Variants in BCKDHB observed in about 807,000 individuals in gnomAD.
BCKDHB encodes 2-oxoisovalerate dehydrogenase subunit beta, mitochondrial.
A neutral mutation model predicts 48.5 loss-of-function variants in BCKDHB; 41 were observed. That is an observed-to-expected ratio of 0.85 (90% CI 0.66 to 1.10). The LOEUF is 1.10. BCKDHB is among the 50% of genes least tolerant of loss of function. BCKDHB has a pLI of 0.00. For synonymous variants in BCKDHB, 201 were observed against 174.8 expected, an observed-to-expected ratio of 1.15 and a Z score of -1.18; for missense variants, 496 against 494.2, an observed-to-expected ratio of 1.00 and a Z score of -0.03.
intron 6 of BCKDHB, among the ~76,000 whole-genome samples, chr6:80,195,841 C>T (rs1045863267): frequency 3.9e-5 from 6 of 152,296 alleles, no homozygotes; most frequent in Non-Finnish European, 5.9e-5. Flanking sequence ...ACCAGACAGG[C>T]TTTCTCAGGT....
chr6:80,450,846 A>G, the BCKDHB span, among the ~76,000 whole-genome samples: 1 of 152,186 alleles, frequency 6.6e-6, no homozygotes, highest in Non-Finnish European at 1.5e-5. Context: ...TCAGAATACA[A>G]TGACTTCCAT....
intron 1 of BCKDHB, among the ~76,000 whole-genome samples, chr6:80,124,680 A>C (rs918905662): frequency 2.0e-5 from 3 of 152,138 alleles, no homozygotes; most frequent in African/African-American, 7.2e-5. Context: ...AAACAACGTT[A>C]ATCTTATACA....
At chr6:80,435,902 G>T in the BCKDHB span, among the ~76,000 whole-genome samples, 2 of 152,080 alleles carry the variant, frequency 1.3e-5, no homozygotes. Flanking sequence ...CTGTAGTGGC[G>T]CATGCCTGTA....
intron 9 of BCKDHB, among the ~76,000 whole-genome samples, chr6:80,325,058 A>G (rs1175867926): frequency 6.6e-6 from 1 of 152,172 alleles, no homozygotes; most frequent in African/African-American, 2.4e-5. Flanking sequence ...TTGTATGGGG[A>G]CGGTTTTGAA....
At chr6:80,207,465 A>G (rs1417161495) in intron 8 of BCKDHB, among the ~76,000 whole-genome samples, 2 of 151,912 alleles carry the variant, frequency 1.3e-5, no homozygotes, top group Non-Finnish European at 2.9e-5. Context: ...TCCAAAATAA[A>G]TAAGTATGAA....
At chr6:80,183,914 T>A (rs1773525373) in intron 6 of BCKDHB, among the ~76,000 whole-genome samples, 1 of 152,208 alleles carries the variant, frequency 6.6e-6, no homozygotes, top group South Asian at 2.1e-4. Context: ...TTTCATGGCT[T>A]GATAACTCAT....
At chr6:80,135,383 T>C (rs1252920635) in intron 3 of BCKDHB, among the ~76,000 whole-genome samples, 1 of 152,114 alleles carries the variant, frequency 6.6e-6, no homozygotes, top group Non-Finnish European at 1.5e-5. Flanking sequence ...GAAGTATACA[T>C]ATTTATGACA....
rs1770075529 is a variant in BCKDHB, at chr6:80,344,255, T to A, written c.*451T>A. 1 of 241,084 alleles carries A rather than the reference T, an allele frequency of 4.1e-6. No homozygotes were observed. Among genetic ancestry groups the A allele is most frequent in the African/African-American group, 2.3e-5 (1 of 43,430 alleles). 14.9% of individuals were successfully genotyped at this position (241,084 alleles called of 1,614,324 possible). ...CCTGACCTCAAGTGATCCACCTGCC[T>A]TAGCCTCCCAAAGTGCTGGGATTAC... On this transcript the variant is annotated 3_prime_UTR_variant, in exon 10 of 10. Coordinates refer to ENST00000320393, the MANE Select transcript of BCKDHB (RefSeq NM_183050.4).
intron 3 of BCKDHB, among the ~76,000 whole-genome samples, chr6:80,163,308 A>G (rs1772412276): frequency 9.8e-6 from 1 of 102,388 alleles, no homozygotes; most frequent in Non-Finnish European, 1.8e-5. Context: ...CACTGCAATT[A>G]AGCTTTTTTT....
At chr6:80,118,331 G>A (rs565966223) in intron 1 of BCKDHB, among the ~76,000 whole-genome samples, 12 of 152,094 alleles carry the variant, frequency 7.9e-5, no homozygotes, top group Non-Finnish European at 1.3e-4. Flanking sequence ...GTGTGCAATA[G>A]CATTATATCT....
chr6:80,360,240 G>A, the BCKDHB span, among the ~76,000 whole-genome samples: 3 of 152,128 alleles, frequency 2.0e-5, no homozygotes, highest in African/African-American at 4.8e-5. Context: ...GTAGATTCTT[G>A]TAACTGTCTT....
At chr6:80,354,743 A>C in the BCKDHB span, among the ~76,000 whole-genome samples, 1 of 152,160 alleles carries the variant, frequency 6.6e-6, no homozygotes, top group Non-Finnish European at 1.5e-5. Flanking sequence ...CTATTTTCTC[A>C]GCACCATTTA....
At chr6:80,326,535 A>C (rs1769037344) in intron 9 of BCKDHB, among the ~76,000 whole-genome samples, 1 of 152,230 alleles carries the variant, frequency 6.6e-6, no homozygotes, top group Admixed American at 6.5e-5. Context: ...TCCAATTTTT[A>C]GAAACTTTGT....
Position 80,248,592 on chromosome 6 carries a change from C to A in BCKDHB, c.952-24543C>A, listed in dbSNP as rs148633307. ...CTACAGGATCAGTGGTGCTGTCATT[C>A]ACCAGGGCTGGGACTGCTGGAGGTA... On this transcript the variant is annotated intron_variant, in intron 8 of 9. Transcript: ENST00000320393. 4.2e-3 allele frequency among the ~76,000 whole-genome samples: 638 copies of A among 152,232 alleles called. 3 individuals carry two copies. Among genetic ancestry groups the A allele is most frequent in the Middle Eastern group, 0.027 (8 of 294 alleles).
intron 8 of BCKDHB, among the ~76,000 whole-genome samples, chr6:80,243,231 G>A (rs1776463844): frequency 2.0e-5 from 3 of 152,126 alleles, no homozygotes; most frequent in African/African-American, 7.2e-5. Context: ...CTCATTCCCA[G>A]GCAAAGGCTT....
chr6:80,255,705 T>C lies in BCKDHB; in HGVS notation c.952-17430T>C, dbSNP rs145472216. ...AGCCATGGATTTGGGTCCATGTGTT[T>C]AGAGAACAATGGAAATTTAGTTTCC... On this transcript the variant is annotated intron_variant, in intron 8 of 9. Coordinates refer to ENST00000320393, the MANE Select transcript of BCKDHB (RefSeq NM_183050.4). Among the ~76,000 whole-genome samples the C allele has an allele frequency of 7.4e-3, 1,123 of 152,296 alleles. 10 individuals are homozygous for C. Among genetic ancestry groups the C allele is most frequent in the South Asian group, 0.034 (163 of 4,822 alleles).
chr6:80,284,131 C>A (rs1562202157), intron 9 of BCKDHB, among the ~76,000 whole-genome samples: 2 of 152,038 alleles, frequency 1.3e-5, no homozygotes, highest in African/African-American at 2.4e-5. Context: ...ACTTACAGAT[C>A]AACTCAGTTT....
intron 3 of BCKDHB, among the ~76,000 whole-genome samples, chr6:80,162,442 G>A (rs1045816635): frequency 1.3e-5 from 2 of 152,054 alleles, no homozygotes; most frequent in African/African-American, 4.8e-5. Context: ...CAAAGACACG[G>A]TTCCAGTTAT....
At chr6:80,209,796 G>A (rs1389369715) in intron 8 of BCKDHB, among the ~76,000 whole-genome samples, 1 of 151,964 alleles carries the variant, frequency 6.6e-6, no homozygotes, top group Non-Finnish European at 1.5e-5. Flanking sequence ...TGATAACATT[G>A]TGCTTCATTA....
Sources: allele counts gnomAD v4.1 joint callset (sites outside exome capture counted in the v4.1 genomes callset), GRCh38; gene constraint gnomAD v4.1.1; transcripts MANE v1.5; gene names NCBI Gene and HGNC (gene_info 2026-07-23, HGNC 2026-07-21).